OR5AR1: variants seen among roughly 807,000 people sequenced by gnomAD.
OR5AR1 encodes the protein olfactory receptor family 5 subfamily AR member 1.
A neutral mutation model predicts 12.3 loss-of-function variants in OR5AR1; 19 were observed. That is an observed-to-expected ratio of 1.55 (90% CI 1.08 to 2.27). The LOEUF (loss-of-function observed/expected upper bound fraction) is 2.27. Among genes scored for constraint, OR5AR1 ranks in the 30% most tolerant of loss-of-function variants. The probability of loss-of-function intolerance (pLI) is 0.00; values close to 1 mark genes in which losing one functional copy is unlikely to be tolerated. For missense variants in OR5AR1, 432 were observed against 378.4 expected, an observed-to-expected ratio of 1.14 and a Z score of -1.18; for synonymous variants, 156 against 138.8, an observed-to-expected ratio of 1.12 and a Z score of -0.87.
rs139968646 is a variant in OR5AR1 at position 56,664,521 on chromosome 11, C to T, written c.836C>T (p.Thr279Met). ...GACAAGTGGGCCTCTGTGTTCTACACGGTTATCATCCCCATGTTAAATCCC... is the reference window on the plus strand; with the variant it reads ...GACAAGTGGGCCTCTGTGTTCTACATGGTTATCATCCCCATGTTAAATCCC... ...DQDKWASVFY[T>M]VIIPMLNPLI... The change falls in exon 1 of 1, where the codon ACG becomes ATG. Residue 279 changes from threonine to methionine, a missense_variant. By Grantham distance (81) the Thr-to-Met change is moderately conservative (BLOSUM62 -1). Coordinates refer to ENST00000624596, the MANE Select transcript of OR5AR1 (RefSeq NM_001004730.1). 125 of 1,613,894 alleles carry T rather than the reference C, an allele frequency of 7.7e-5. No individual in the cohort carries two copies. The highest frequency in any genetic ancestry group is 3.8e-4 in the Admixed American group (23 of 59,972).
In OR5AR1 at chr11:56,664,555, C is replaced by T. The variant is rs367697467; in HGVS notation, c.870C>T (p.Tyr290=). ...VIIPMLNPLI[Y]SLRNKDVKAA... is the part of the protein sequence containing the mutation. The stretch of plus-strand genomic sequence containing the variant: ...TCCCCATGTTAAATCCCTTGATCTA[C>T]AGTTTGCGGAACAAGGATGTGAAAG... Residue 290 remains tyrosine (Y), a synonymous_variant, in exon 1 of 1, where the codon TAC becomes TAT. Transcript: ENST00000624596. 2.0e-5 allele frequency: 32 copies of T among 1,613,518 alleles called. 1 individual carries two copies. The African/African-American group carries it at 3.5e-4, about 17-fold the overall frequency.
chr11:56,664,166 A>C lies in OR5AR1; in HGVS notation c.481A>C (p.Thr161Pro). Reference sequence around the variant, plus strand: ...TCTAGTGAGTTTAGTAGCCCACACTACCCTCACCTTCAGCCTGAGTTACTG... The same window carrying C: ...TCTAGTGAGTTTAGTAGCCCACACTCCCCTCACCTTCAGCCTGAGTTACTG... ...AGLVSLVAHT[T>P]LTFSLSYCGS... Residue 161 changes from threonine (T) to proline (P), a missense_variant, in exon 1 of 1, where the codon ACC (threonine) becomes CCC (proline). Coordinates refer to ENST00000624596, the MANE Select transcript of OR5AR1 (RefSeq NM_001004730.1). The C allele has an allele frequency of 6.2e-7, 1 of 1,613,768 alleles. No individual in the cohort carries two copies. Among genetic ancestry groups the C allele is most frequent in the East Asian group, 2.2e-5 (1 of 44,844 alleles).
In OR5AR1 at chr11:56,663,698, A is replaced by G. The variant is rs751381975; in HGVS notation, c.13A>G (p.Asn5Asp). 2.5e-6 allele frequency: 4 copies of G among 1,605,900 alleles called. No homozygotes were observed. The South Asian group carries it at 4.5e-5, about 18-fold the overall frequency. Residue 5 changes from asparagine to aspartate, a missense_variant, in exon 1 of 1, where the codon AAC (asparagine) becomes GAC (aspartate). Transcript: ENST00000624596. ...TACACTTGAAGCAATGGATAAAGAA[A>G]ACAGCTCAATGGTGACTGAGTTTAT... is the stretch of plus-strand genomic sequence containing the variant. MDKE[N>D]SSMVTEFIFM...
rs371017741 is a variant in OR5AR1, at chr11:56,664,180, C to A, written c.495C>A (p.Ser165Arg). ...SLVAHTTLTFSLSYCGSNIIN... is the reference protein window; with the variant it reads ...SLVAHTTLTFRLSYCGSNIIN... ...TAGCCCACACTACCCTCACCTTCAG[C>A]CTGAGTTACTGTGGTTCCAATATCA... Residue 165 changes from serine to arginine, a missense_variant, in exon 1 of 1, where the codon AGC (serine) becomes AGA (arginine). Transcript: ENST00000624596. 85 of 1,613,944 alleles carry A rather than the reference C, an allele frequency of 5.3e-5. No homozygotes were observed. Among genetic ancestry groups the A allele is most frequent in the Non-Finnish European group, 6.6e-5 (78 of 1,180,016 alleles).
At position 56,664,618 on chromosome 11, in the gene OR5AR1, A is replaced by G. The variant is rs1199375912; in HGVS notation, c.933A>G (p.Ter311=). 1 of 1,569,538 alleles carries G rather than the reference A, an allele frequency of 6.4e-7. No individual in the cohort carries two copies. ...AGCTAATTGGAAAAAAATCTCAATA[A>G]TAACACAAAATGAAAATCTGTTTCT... is the stretch of plus-strand genomic sequence containing the variant. ...FKKLIGKKSQ[*] The change falls in exon 1 of 1, where the codon TAA becomes TAG. Residue 311 remains the stop codon, a stop_retained_variant. Coordinates refer to ENST00000624596, the MANE Select transcript of OR5AR1 (RefSeq NM_001004730.1).
At position 56,663,735 on chromosome 11, in the gene OR5AR1, T is replaced by C; in HGVS notation, c.50T>C (p.Ile17Thr). ...SMVTEFIFMG[I>T]TQDPQMEIIF... ...GTGACTGAGTTTATCTTCATGGGCA[T>C]CACCCAGGACCCTCAGATGGAGATC... Residue 17 changes from isoleucine (I) to threonine (T), a missense_variant, in exon 1 of 1, where the codon ATC (isoleucine) becomes ACC (threonine). Coordinates refer to ENST00000624596, the MANE Select transcript of OR5AR1 (RefSeq NM_001004730.1). 1 of 1,613,648 alleles carries C rather than the reference T, an allele frequency of 6.2e-7. No homozygotes were observed. The highest frequency in any genetic ancestry group is 1.1e-5 in the South Asian group (1 of 91,040).
Position 56,664,233 on chromosome 11 carries a change from C to T in OR5AR1, c.548C>T (p.Pro183Leu). ...AATCATTTCTTCTGCGAAATCCCAC[C>T]ACTCTTGGCCCTCTCTTGCTCAGAC... ...IINHFFCEIP[P>L]LLALSCSDTY... Residue 183 changes from proline (P) to leucine (L), a missense_variant, in exon 1 of 1, where the codon CCA (proline) becomes CTA (leucine). Pro to Leu is a moderately conservative substitution (Grantham distance 98). Coordinates refer to ENST00000624596, the MANE Select transcript of OR5AR1 (RefSeq NM_001004730.1). 6.2e-7 allele frequency: 1 copy of T among 1,614,076 alleles called. No homozygotes were observed. The highest frequency in any genetic ancestry group is 8.5e-7 in the Non-Finnish European group (1 of 1,180,012).
chr11:56,664,447 A>C lies in OR5AR1; in HGVS notation c.762A>C (p.Thr254=), dbSNP rs1272553997. The change falls in exon 1 of 1, where the codon ACA becomes ACC. Residue 254 remains threonine, a synonymous_variant. Transcript: ENST00000624596. ...HLTGITLFYG[T]VMFMYLRPTS... is the part of the protein sequence containing the mutation. ...CTGGCATCACCCTCTTCTATGGCAC[A>C]GTCATGTTTATGTACCTGAGGCCAA... The C allele has an allele frequency of 6.2e-7, 1 of 1,614,152 alleles. No individual in the cohort carries two copies. The highest frequency in any genetic ancestry group is 2.2e-5 in the East Asian group (1 of 44,862).
chr11:56,664,616 T>C lies in OR5AR1; in HGVS notation c.931T>C (p.Ter311GlnextTer?). The C allele has an allele frequency of 6.3e-7, 1 of 1,576,468 alleles. No homozygotes were observed. Among genetic ancestry groups the C allele is most frequent in the Non-Finnish European group, 8.7e-7 (1 of 1,154,538 alleles). Residue 311 changes from the stop codon to glutamine, a stop_lost, in exon 1 of 1, where the codon TAA (stop) becomes CAA (glutamine). Coordinates refer to ENST00000624596, the MANE Select transcript of OR5AR1 (RefSeq NM_001004730.1). Reference sequence around the variant, plus strand: ...AAAGCTAATTGGAAAAAAATCTCAATAATAACACAAAATGAAAATCTGTTT... The same window carrying C: ...AAAGCTAATTGGAAAAAAATCTCAACAATAACACAAAATGAAAATCTGTTT... ...FKKLIGKKSQ[*>Q]
In OR5AR1 at chr11:56,663,851, C is replaced by T. The variant is rs753817023; in HGVS notation, c.166C>T (p.His56Tyr). 7 of 1,614,088 alleles carry T rather than the reference C, an allele frequency of 4.3e-6. No individual in the cohort carries two copies. In the South Asian group the frequency reaches 7.7e-5, roughly 18 times the overall value. Residue 56 changes from histidine to tyrosine, a missense_variant, in exon 1 of 1, where the codon CAC becomes TAC. His to Tyr is a moderately conservative substitution (Grantham distance 83). Transcript: ENST00000624596. ...CCTGATTACAACAGACACTCAGCTT[C>T]ACACACCCATGTATTTTTTCCTCTG... is the stretch of plus-strand genomic sequence containing the variant. Reference protein sequence around the residue: ...IILITTDTQLHTPMYFFLCNL... With the variant: ...IILITTDTQLYTPMYFFLCNL...
chr11:56,664,370 C>G lies in OR5AR1; in HGVS notation c.685C>G (p.Arg229Gly). The G allele has an allele frequency of 6.2e-7, 1 of 1,614,014 alleles. No individual in the cohort carries two copies. The highest frequency in any genetic ancestry group is 8.5e-7 in the Non-Finnish European group (1 of 1,179,988). ...TATCCTTGTTGCAATCATCAGAATG[C>G]GTTCAGCTGAAGGCCGCCTTAAGGC... is the stretch of plus-strand genomic sequence containing the variant. Reference protein sequence around the residue: ...TFILVAIIRMRSAEGRLKAFS... With the variant: ...TFILVAIIRMGSAEGRLKAFS... Residue 229 changes from arginine to glycine, a missense_variant, in exon 1 of 1, where the codon CGT becomes GGT. Physicochemically the swap from Arg to Gly is moderately radical, Grantham distance 125 (BLOSUM62 -2). Transcript: ENST00000624596.
In OR5AR1 at chr11:56,664,331, A is replaced by G; in HGVS notation, c.646A>G (p.Ile216Val). ...ATTCAGCACCATCCTCATCATCTTC[A>G]TCTCCTATACCTTTATCCTTGTTGC... ...IEFSTILIIF[I>V]SYTFILVAII... The change falls in exon 1 of 1, where the codon ATC becomes GTC. Residue 216 changes from isoleucine (I) to valine (V), a missense_variant. Physicochemically the swap from Ile to Val is conservative, Grantham distance 29. Transcript: ENST00000624596. 1.9e-6 allele frequency: 3 copies of G among 1,613,878 alleles called. No homozygotes were observed. Among genetic ancestry groups the G allele is most frequent in the Non-Finnish European group, 2.5e-6 (3 of 1,179,998 alleles).
rs1246721842 is a variant in OR5AR1 at position 56,663,964 on chromosome 11, CT to C, written c.281del (p.Phe94SerfsTer12). 3.1e-6 allele frequency: 5 copies of C among 1,614,002 alleles called. No individual in the cohort carries two copies. In the South Asian group the frequency reaches 5.5e-5, roughly 18 times the overall value. ...DFLTNHKVIS[F>X]SSCATQFAFF... Reference sequence around the variant, plus strand: ...TCCTAACAAATCACAAAGTTATCTCCTTCTCCAGCTGTGCCACCCAGTTTGC... The same window carrying C: ...TCCTAACAAATCACAAAGTTATCTCCTCTCCAGCTGTGCCACCCAGTTTGC... On this transcript the variant is annotated frameshift_variant, in exon 1 of 1. Coordinates refer to ENST00000624596, the MANE Select transcript of OR5AR1 (RefSeq NM_001004730.1). LOFTEE classifies it high-confidence loss of function.
chr11:56,664,303 T>C lies in OR5AR1; in HGVS notation c.618T>C (p.Ile206=). The C allele has an allele frequency of 6.2e-7, 1 of 1,614,134 alleles. No homozygotes were observed. Among genetic ancestry groups the C allele is most frequent in the African/African-American group, 1.3e-5 (1 of 75,036 alleles). The part of the protein sequence containing the change: ...EILLFSLCGF[I]EFSTILIIFI... Reference sequence around the variant, plus strand: ...TGCTCTTCAGTCTGTGTGGCTTCATTGAATTCAGCACCATCCTCATCATCT... The same window carrying C: ...TGCTCTTCAGTCTGTGTGGCTTCATCGAATTCAGCACCATCCTCATCATCT... The change falls in exon 1 of 1, where the codon ATT becomes ATC. Residue 206 remains isoleucine, a synonymous_variant. Coordinates refer to ENST00000624596, the MANE Select transcript of OR5AR1 (RefSeq NM_001004730.1).
Position 56,664,326 on chromosome 11 carries a change from T to G in OR5AR1, c.641T>G (p.Ile214Ser). The G allele has an allele frequency of 6.2e-7, 1 of 1,614,144 alleles. No individual in the cohort carries two copies. Among genetic ancestry groups the G allele is most frequent in the Non-Finnish European group, 8.5e-7 (1 of 1,180,028 alleles). ...ATTGAATTCAGCACCATCCTCATCA[T>G]CTTCATCTCCTATACCTTTATCCTT... ...GFIEFSTILI[I>S]FISYTFILVA... The change falls in exon 1 of 1, where the codon ATC (isoleucine) becomes AGC (serine). Residue 214 changes from isoleucine (I) to serine (S), a missense_variant. Transcript: ENST00000624596.
rs2134992057 is a variant in OR5AR1 at position 56,663,957 on chromosome 11, T to C, written c.272T>C (p.Val91Ala). 1 of 1,614,082 alleles carries C rather than the reference T, an allele frequency of 6.2e-7. No individual in the cohort carries two copies. The highest frequency in any genetic ancestry group is 1.6e-4 in the Middle Eastern group (1 of 6,062). ...MLADFLTNHK[V>A]ISFSSCATQF... ...GCTGACTTCCTAACAAATCACAAAG[T>C]TATCTCCTTCTCCAGCTGTGCCACC... The change falls in exon 1 of 1, where the codon GTT (valine) becomes GCT (alanine). Residue 91 changes from valine to alanine, a missense_variant. Val to Ala is a moderately conservative substitution (Grantham distance 64, BLOSUM62 0). Transcript: ENST00000624596.
rs1442880634 is a variant in OR5AR1 at position 56,664,491 on chromosome 11, A to G, written c.806A>G (p.Asp269Gly). The G allele has an allele frequency of 5.0e-6, 8 of 1,613,706 alleles. No homozygotes were observed. The highest frequency in any genetic ancestry group is 6.8e-6 in the Non-Finnish European group (8 of 1,179,872). Residue 269 changes from aspartate (D) to glycine (G), a missense_variant, in exon 1 of 1, where the codon GAC becomes GGC. By Grantham distance (94) the Asp-to-Gly change is moderately conservative. Coordinates refer to ENST00000624596, the MANE Select transcript of OR5AR1 (RefSeq NM_001004730.1). The part of the protein sequence containing the change: ...YLRPTSSYSL[D>G]QDKWASVFYT... ...AGGCCAACATCCAGCTACTCCCTGG[A>G]CCAAGACAAGTGGGCCTCTGTGTTC...
rs1464601490 is a variant in OR5AR1, at chr11:56,663,883, C to G, written c.198C>G (p.Leu66=). ...CCATGTATTTTTTCCTCTGCAACCTCTCCTTTGTTGACCTGGGCTACTCCT... is the reference window on the plus strand; with the variant it reads ...CCATGTATTTTTTCCTCTGCAACCTGTCCTTTGTTGACCTGGGCTACTCCT... ...HTPMYFFLCN[L]SFVDLGYSSA... Residue 66 remains leucine (L), a synonymous_variant, in exon 1 of 1, where the codon CTC becomes CTG. Transcript: ENST00000624596. 3 of 1,613,980 alleles carry G rather than the reference C, an allele frequency of 1.9e-6. No homozygotes were observed. Among genetic ancestry groups the G allele is most frequent in the Non-Finnish European group, 2.5e-6 (3 of 1,180,014 alleles).
rs536008240 is a variant in OR5AR1 at position 56,663,903 on chromosome 11, A to T, written c.218A>T (p.Tyr73Phe). The T allele has an allele frequency of 6.6e-5, 106 of 1,613,768 alleles. No individual in the cohort carries two copies. The East Asian group carries it at 2.2e-3, about 34-fold the overall frequency. Residue 73 changes from tyrosine (Y) to phenylalanine (F), a missense_variant, in exon 1 of 1, where the codon TAC (tyrosine) becomes TTC (phenylalanine). Coordinates refer to ENST00000624596, the MANE Select transcript of OR5AR1 (RefSeq NM_001004730.1). ...AACCTCTCCTTTGTTGACCTGGGCT[A>T]CTCCTCAGCCATTGCCCCCAGGATG... ...LCNLSFVDLG[Y>F]SSAIAPRMLA...
Sources: gnomAD v4.1 joint callset for allele counts on GRCh38, gnomAD v4.1.1 for gene constraint, MANE v1.5 for transcripts, NCBI Gene and HGNC (gene_info 2026-07-23, HGNC 2026-07-21) for gene names.